The following KCNH1 variants were observed in gnomAD, a reference collection of about 807,000 sequenced individuals.
The protein encoded by KCNH1 is voltage-gated delayed rectifier potassium channel KCNH1.
Under a neutral mutation model 69.2 loss-of-function variants are expected in KCNH1, and 27 were observed. That is an observed-to-expected ratio of 0.39 (90% CI 0.29 to 0.54). The LOEUF (loss-of-function observed/expected upper bound fraction) is 0.54. Ranked by LOEUF, KCNH1 falls within the 20% of genes least tolerant of loss-of-function variation. The probability of loss-of-function intolerance (pLI) is 0.68; values close to 1 mark genes in which losing one functional copy is unlikely to be tolerated. For synonymous variants in KCNH1, 456 were observed against 487.7 expected, an observed-to-expected ratio of 0.93 and a Z score of 0.86; for missense variants, 798 against 1,261.6, an observed-to-expected ratio of 0.63 and a Z score of 5.57.
chr1:211,012,053 A>G (rs187798542), intron 6 of KCNH1, among the ~76,000 whole-genome samples: 1 of 152,342 alleles, frequency 6.6e-6, no homozygotes, highest in Non-Finnish European at 1.5e-5. Context: ...AACAAGACAC[A>G]GGAGTGAAAA....
intron 7 of KCNH1, among the ~76,000 whole-genome samples, chr1:210,835,405 A>AG (rs1442113270): frequency 2.0e-5 from 3 of 152,252 alleles, no homozygotes; most frequent in Non-Finnish European, 4.4e-5. Context: ...TATGGATTCA[A>AG]GGGAAACATT....
chr1:210,798,676 A>T (rs1684371297), intron 8 of KCNH1, among the ~76,000 whole-genome samples: 1 of 152,208 alleles, frequency 6.6e-6, no homozygotes, highest in Non-Finnish European at 1.5e-5. Flanking sequence ...TCAAGAGTCT[A>T]GTCAAGGAAT....
chr1:211,105,962 C>T (rs1691340801), intron 2 of KCNH1, among the ~76,000 whole-genome samples: 1 of 152,214 alleles, frequency 6.6e-6, no homozygotes, highest in Admixed American at 6.5e-5. Context: ...ATTTTCAAAA[C>T]ATTTGATACT....
chr1:210,902,153 ACCCGCAACCTT>A (rs1347494056), intron 7 of KCNH1, among the ~76,000 whole-genome samples: 1 of 152,168 alleles, frequency 6.6e-6, no homozygotes, highest in African/African-American at 2.4e-5. Flanking sequence ...ACCCGCCCCT[ACCCGCAACCTT>A]CCCGCCAGGA....
chr1:211,005,829 C>T (rs1689270931), intron 6 of KCNH1, among the ~76,000 whole-genome samples: 1 of 152,050 alleles, frequency 6.6e-6, no homozygotes, highest in African/African-American at 2.4e-5. Flanking sequence ...AAAATATTTA[C>T]AGCACATATA....
At chr1:210,973,328 T>C (rs1328480050) in intron 6 of KCNH1, among the ~76,000 whole-genome samples, 1 of 152,176 alleles carries the variant, frequency 6.6e-6, no homozygotes, top group Non-Finnish European at 1.5e-5. Context: ...TCTTTATATC[T>C]ATACTATCTT....
At chr1:210,903,662 G>A (rs781067880) in intron 7 of KCNH1, among the ~76,000 whole-genome samples, 6 of 152,124 alleles carry the variant, frequency 3.9e-5, no homozygotes, top group Admixed American at 2.6e-4. Context: ...TTAAGATCCT[G>A]TTCACTTTCC....
At chr1:211,007,720 C>T (rs1689311089) in intron 6 of KCNH1, among the ~76,000 whole-genome samples, 1 of 152,180 alleles carries the variant, frequency 6.6e-6, no homozygotes, top group Non-Finnish European at 1.5e-5. Context: ...GCTTCTATAA[C>T]TTCCAGTGTC....
At chr1:210,943,040 A>G (rs898801542) in intron 6 of KCNH1, among the ~76,000 whole-genome samples, 3 of 152,226 alleles carry the variant, frequency 2.0e-5, no homozygotes, top group Admixed American at 1.3e-4. Context: ...CCTAACTCTT[A>G]GTCTTACAGT....
intron 10 of KCNH1, among the ~76,000 whole-genome samples, chr1:210,772,282 A>G (rs1356366546): frequency 8.5e-5 from 13 of 152,224 alleles, no homozygotes; most frequent in African/African-American, 2.7e-4. Context: ...CTCCCCAGAT[A>G]GATGTCAAAG....
At chr1:210,939,684 A>C (rs1366655542) in intron 6 of KCNH1, among the ~76,000 whole-genome samples, 1 of 152,216 alleles carries the variant, frequency 6.6e-6, no homozygotes, top group Non-Finnish European at 1.5e-5. Flanking sequence ...TAAGGATATT[A>C]ATATACCCAA....
intron 6 of KCNH1, among the ~76,000 whole-genome samples, chr1:210,971,029 A>G (rs182966268): frequency 6.6e-6 from 1 of 152,344 alleles, no homozygotes; most frequent in African/African-American, 2.4e-5. Context: ...TGCGGCCAAT[A>G]AACATGAAAG....
intron 9 of KCNH1, among the ~76,000 whole-genome samples, chr1:210,792,455 A>G (rs969950510): frequency 6.6e-5 from 10 of 152,140 alleles, no homozygotes; most frequent in African/African-American, 2.4e-4. Flanking sequence ...GGTGCTGGAG[A>G]TAAGAAATCA....
intron 6 of KCNH1, among the ~76,000 whole-genome samples, chr1:211,013,540 A>G (rs1260098637): frequency 2.6e-5 from 4 of 152,258 alleles, no homozygotes; most frequent in African/African-American, 9.6e-5. Context: ...TGGTTCCCTC[A>G]GCTTCCAGAT....
At chr1:210,827,314 G>A (rs546290047) in intron 7 of KCNH1, among the ~76,000 whole-genome samples, 4 of 151,990 alleles carry the variant, frequency 2.6e-5, no homozygotes, top group African/African-American at 9.7e-5. Flanking sequence ...CTGGGCAACA[G>A]GGCGAGACTC....
chr1:211,053,102 A>T (rs1251671918), intron 5 of KCNH1, among the ~76,000 whole-genome samples: 1 of 152,220 alleles, frequency 6.6e-6, no homozygotes, highest in African/African-American at 2.4e-5. Flanking sequence ...ATGGTGAGGG[A>T]AGAAAGAAAA....
At chr1:211,122,835 G>T (rs1454332242) in intron 1 of KCNH1, among the ~76,000 whole-genome samples, 1 of 152,130 alleles carries the variant, frequency 6.6e-6, no homozygotes, top group Non-Finnish European at 1.5e-5. Context: ...GGGGGTGGGG[G>T]TAGAAGGGAG....
At chr1:210,775,024 C>A (rs1483981522) in intron 10 of KCNH1, among the ~76,000 whole-genome samples, 2 of 152,098 alleles carry the variant, frequency 1.3e-5, no homozygotes. Flanking sequence ...ATGTTGCTGA[C>A]TAGCAACCTC....
At chr1:210,846,297 C>G (rs1426431334) in intron 7 of KCNH1, among the ~76,000 whole-genome samples, 2 of 152,068 alleles carry the variant, frequency 1.3e-5, no homozygotes, top group East Asian at 1.9e-4. Flanking sequence ...AAAGAACAAA[C>G]CTGGAGGCAT....
Sources: gnomAD v4.1 joint callset for allele counts (sites outside exome capture counted in the v4.1 genomes callset) on GRCh38, gnomAD v4.1.1 for gene constraint, MANE v1.5 for transcripts, NCBI Gene and HGNC (gene_info 2026-07-23, HGNC 2026-07-21) for gene names.